Variants in RFX3 observed in about 807,000 individuals in gnomAD.
The protein encoded by RFX3 is regulatory factor X3.
Under a neutral mutation model 98.6 loss-of-function variants are expected in RFX3, and 14 were observed. The observed-to-expected ratio is 0.14, with a 90% CI of 0.09 to 0.22. RFX3 has a LOEUF of 0.22. RFX3 is among the 10% of genes least tolerant of loss of function. The pLI, the probability that RFX3 is intolerant of heterozygous loss-of-function variation, is 1.00. For missense variants in RFX3, 639 were observed against 926.9 expected (o/e 0.69, Z 4.03); for synonymous variants, 383 against 328.4 (o/e 1.17, Z -1.80).
chr9:3,376,598 C>CT, intron 2 of RFX3, among the ~76,000 whole-genome samples: 1 of 152,146 alleles, frequency 6.6e-6, no homozygotes, highest in Non-Finnish European at 1.5e-5. Flanking sequence ...CAAATGGGAT[C>CT]TAACTGAACT....
intron 2 of RFX3, among the ~76,000 whole-genome samples, chr9:3,372,421 C>T (rs1837962098): frequency 6.6e-6 from 1 of 152,178 alleles, no homozygotes; most frequent in Non-Finnish European, 1.5e-5. Flanking sequence ...CCAGGGATCA[C>T]CTCCCAAATA....
chr9:3,470,493 T>A (rs1050328110), intron 1 of RFX3, among the ~76,000 whole-genome samples: 2 of 140,940 alleles, frequency 1.4e-5, no homozygotes, highest in African/African-American at 5.7e-5. Context: ...TTTTTCTTTT[T>A]TTCTTTTTTT....
At chr9:3,381,960 G>A (rs1439483703) in intron 2 of RFX3, among the ~76,000 whole-genome samples, 1 of 152,028 alleles carries the variant, frequency 6.6e-6, no homozygotes, top group African/African-American at 2.4e-5. Context: ...TGTTTCAACT[G>A]GAGCTCGTTC....
intron 2 of RFX3, among the ~76,000 whole-genome samples, chr9:3,362,211 A>G (rs76692203): frequency 0.035 from 5,357 of 152,322 alleles, 321 homozygotes; most frequent in African/African-American, 0.12. Flanking sequence ...ACTTCCTTGC[A>G]TATTCAATGT....
intron 1 of RFX3, among the ~76,000 whole-genome samples, chr9:3,465,458 C>CTTTT (rs34093115): frequency 1.1e-4 from 14 of 129,664 alleles, no homozygotes; most frequent in South Asian, 5.1e-4. Flanking sequence ...GCCCAGGTAA[C>CTTTT]TTTTTTTTTT....
At chr9:3,398,624 G>C (rs1341514550) in intron 1 of RFX3, among the ~76,000 whole-genome samples, 1 of 152,076 alleles carries the variant, frequency 6.6e-6, no homozygotes, top group Non-Finnish European at 1.5e-5. Context: ...GTTCAACTAA[G>C]AGTAGATGAG....
intron 1 of RFX3, among the ~76,000 whole-genome samples, chr9:3,403,420 T>C (rs964206475): frequency 6.6e-6 from 1 of 152,160 alleles, no homozygotes; most frequent in Non-Finnish European, 1.5e-5. Flanking sequence ...TTGTACTAAA[T>C]TGATCTGTAG....
At chr9:3,296,258 T>C (rs990690019) in intron 5 of RFX3, among the ~76,000 whole-genome samples, 2 of 151,910 alleles carry the variant, frequency 1.3e-5, no homozygotes, top group Admixed American at 1.3e-4. Context: ...CCACTCTTCA[T>C]AAAGAAAACT....
intron 4 of RFX3, among the ~76,000 whole-genome samples, chr9:3,309,314 C>A (rs1289254921): frequency 2.6e-5 from 4 of 152,060 alleles, no homozygotes; most frequent in Non-Finnish European, 5.9e-5. Flanking sequence ...ATATAGCAAC[C>A]CTTCTAGGAA....
chr9:3,457,619 CA>C (rs1847313742), intron 1 of RFX3, among the ~76,000 whole-genome samples: 1 of 152,030 alleles, frequency 6.6e-6, no homozygotes, highest in African/African-American at 2.4e-5. Context: ...AGTATCTTTA[CA>C]AGCCTCAATT....
In RFX3 at chr9:3,237,493, T is replaced by G. The variant is rs909464688; in HGVS notation, c.1969-8604A>C. Among the ~76,000 whole-genome samples the G allele has an allele frequency of 9.2e-5, 14 of 152,264 alleles. 1 individual carries two copies. The highest frequency in any genetic ancestry group is 3.4e-4 in the African/African-American group (14 of 41,554). On this transcript the variant is annotated intron_variant, in intron 15 of 16. Coordinates refer to ENST00000617270, the MANE Select transcript of RFX3 (RefSeq NM_001282116.2). ...CTAATTATATACATTATTACTTGGA[T>G]AGTCAATGCAGAATTGGTATTTAAA...
At chr9:3,248,417 T>C (rs968380785) in intron 14 of RFX3, among the ~76,000 whole-genome samples, 2 of 152,196 alleles carry the variant, frequency 1.3e-5, no homozygotes, top group Admixed American at 6.6e-5. Context: ...ATAGTCTTAA[T>C]GGAAAAAGTC....
chr9:3,410,167 G>GTGTGTGTA, intron 1 of RFX3, among the ~76,000 whole-genome samples: 1 of 145,786 alleles, frequency 6.9e-6, no homozygotes, highest in South Asian at 2.2e-4. Context: ...TAAACTGTGT[G>GTGTGTGTA]TGTGTGTGTG....
chr9:3,525,943 A>G lies in RFX3; in HGVS notation c.-205T>C, dbSNP rs537963988. On this transcript the variant is annotated 5_prime_UTR_variant, in exon 1 of 17. Transcript: ENST00000617270. ...ACTCACAAAAGAGAGAGAGAGAGGG[A>G]GAGAGAGAGAGAGCGAGAGGGAGAG... 287 of 703,220 alleles carry G rather than the reference A, an allele frequency of 4.1e-4. 1 individual carries two copies. In the African/African-American group the frequency reaches 5.0e-3, roughly 12 times the overall value. The allele number at this position is 703,220 out of a possible 1,614,324, so 43.6% of individuals were successfully genotyped here.
chr9:3,434,651 T>C (rs548914037), intron 1 of RFX3, among the ~76,000 whole-genome samples: 2 of 152,042 alleles, frequency 1.3e-5, no homozygotes, highest in Non-Finnish European at 2.9e-5. Context: ...GTCACCTCTT[T>C]AGAAAGCAGT....
intron 1 of RFX3, among the ~76,000 whole-genome samples, chr9:3,490,660 C>G (rs935128058): frequency 2.0e-5 from 3 of 151,922 alleles, no homozygotes; most frequent in Non-Finnish European, 4.4e-5. Context: ...TCAGAAAAAG[C>G]ATTCTTTAAA....
At chr9:3,344,622 C>T (rs191471090) in intron 3 of RFX3, 71 of 545,960 alleles carry the variant, frequency 1.3e-4, no homozygotes, top group African/African-American at 1.2e-3. Context: ...TCCCTTGTCA[C>T]ATTCTACCAC....
intron 4 of RFX3, among the ~76,000 whole-genome samples, chr9:3,309,465 C>G (rs1829717344): frequency 6.6e-6 from 1 of 151,996 alleles, no homozygotes; most frequent in Admixed American, 6.6e-5. Context: ...GACAGGCAGA[C>G]AGTCTCCAAG....
intron 1 of RFX3, among the ~76,000 whole-genome samples, chr9:3,524,289 T>C (rs1216210240): frequency 1.3e-5 from 2 of 152,096 alleles, no homozygotes; most frequent in East Asian, 3.8e-4. Flanking sequence ...GAACCTACTA[T>C]ATAAGGACTA....
Sources: allele counts gnomAD v4.1 joint callset (sites outside exome capture counted in the v4.1 genomes callset), GRCh38; gene constraint gnomAD v4.1.1; transcripts MANE v1.5; gene names NCBI Gene and HGNC (gene_info 2026-07-23, HGNC 2026-07-21).